The following SLC8A1 variants were observed in gnomAD, a reference collection of about 807,000 sequenced individuals.
The protein encoded by SLC8A1 is sodium/calcium exchanger 1.
SLC8A1 carries 18 observed loss-of-function variants against 68.3 expected under a neutral mutation model. The observed-to-expected ratio is 0.26, with a 90% CI of 0.18 to 0.39. SLC8A1 has a LOEUF of 0.39. Ranked by LOEUF, SLC8A1 falls within the 10% of genes least tolerant of loss-of-function variation. SLC8A1 has a pLI of 1.00. For synonymous variants in SLC8A1, 475 were observed against 415.5 expected (o/e 1.14, Z -1.74); for missense variants, 985 against 1,156.7 (o/e 0.85, Z 2.15).
At position 40,472,012 on chromosome 2, in the gene SLC8A1, C is replaced by A. The variant is rs60303818; in HGVS notation, c.-25+40337G>T. On this transcript the variant is annotated intron_variant, in intron 1 of 7. Transcript: ENST00000402441. ...GTGAAAGGAGGAGAGGAGGAGACTG[C>A]GGTTGACTATGAACAAACATGACCT... is the stretch of plus-strand genomic sequence containing the variant. Among the ~76,000 whole-genome samples the A allele has an allele frequency of 6.5e-3, 990 of 152,182 alleles. 13 individuals carry two copies. Among genetic ancestry groups the A allele is most frequent in the African/African-American group, 0.022 (908 of 41,520 alleles).
intron 2 of SLC8A1, among the ~76,000 whole-genome samples, chr2:40,363,805 T>C (rs1055229858): frequency 4.6e-5 from 7 of 152,074 alleles, no homozygotes; most frequent in Non-Finnish European, 8.8e-5. Flanking sequence ...ATTTGGGCCC[T>C]GAGTTATAAC....
intron 7 of SLC8A1, among the ~76,000 whole-genome samples, chr2:40,137,649 T>C (rs1170519439): frequency 6.6e-6 from 1 of 152,098 alleles, no homozygotes; most frequent in Non-Finnish European, 1.5e-5. Flanking sequence ...TTCCTTCTGC[T>C]TGGTAAATTT....
intron 2 of SLC8A1, among the ~76,000 whole-genome samples, chr2:40,281,903 T>C (rs2067583261): frequency 6.6e-6 from 1 of 152,216 alleles, no homozygotes; most frequent in African/African-American, 2.4e-5. Context: ...ACTTGAATTT[T>C]GGGTGGAATA....
At chr2:40,265,809 A>G (rs1217897342) in intron 2 of SLC8A1, among the ~76,000 whole-genome samples, 1 of 152,156 alleles carries the variant, frequency 6.6e-6, no homozygotes, top group Non-Finnish European at 1.5e-5. Context: ...TGAGAGTGCA[A>G]CACTTCTATA....
At chr2:40,414,953 C>A (rs995613578) in intron 2 of SLC8A1, among the ~76,000 whole-genome samples, 1 of 152,024 alleles carries the variant, frequency 6.6e-6, no homozygotes, top group African/African-American at 2.4e-5. Flanking sequence ...GGAAAGAAGG[C>A]CACAGACAGA....
At chr2:40,289,189 A>C (rs958464137) in intron 2 of SLC8A1, among the ~76,000 whole-genome samples, 1 of 151,876 alleles carries the variant, frequency 6.6e-6, no homozygotes, top group Non-Finnish European at 1.5e-5. Context: ...GCTACAAAAG[A>C]ATAAAAAAGT....
At chr2:40,359,508 G>T (rs889553387) in intron 2 of SLC8A1, among the ~76,000 whole-genome samples, 1 of 152,066 alleles carries the variant, frequency 6.6e-6, no homozygotes, top group African/African-American at 2.4e-5. Context: ...CGCAGCTTCT[G>T]GGTAGAAAAG....
At position 40,314,604 on chromosome 2, in the gene SLC8A1, T is replaced by C. The variant is rs893695588; in HGVS notation, c.1808+113869A>G. On this transcript the variant is annotated intron_variant, in intron 2 of 7. Transcript: ENST00000406785. ...TAGATCAATTTGGGAAGAACGATTA[T>C]CTTAAAAATATGATGTTTTCTGACC... Among the ~76,000 whole-genome samples, 11 of 152,138 alleles carry C rather than the reference T, an allele frequency of 7.2e-5. No homozygotes were observed. In the East Asian group the frequency reaches 2.1e-3, roughly 29 times the overall value.
chr2:40,407,364 C>T (rs1286657134), intron 2 of SLC8A1, among the ~76,000 whole-genome samples: 1 of 152,176 alleles, frequency 6.6e-6, no homozygotes, highest in Non-Finnish European at 1.5e-5. Context: ...CCACACCTGA[C>T]CCACCAGATT....
exon 8 of SLC8A1, chr2:40,115,153 G>T: frequency 2.3e-6 from 2 of 888,842 alleles, no homozygotes; most frequent in Non-Finnish European, 3.1e-6. Context: ...TCCATCAGCA[G>T]GTAAGTGAAC....
intron 2 of SLC8A1, among the ~76,000 whole-genome samples, chr2:40,312,005 G>C (rs2073772698): frequency 6.6e-6 from 1 of 152,064 alleles, no homozygotes; most frequent in Non-Finnish European, 1.5e-5. Flanking sequence ...GCGTCTCAAA[G>C]AGGTACAGCT....
chr2:40,511,301 C>T (rs1576694032), intron 1 of SLC8A1, among the ~76,000 whole-genome samples: 1 of 152,052 alleles, frequency 6.6e-6, no homozygotes, highest in Non-Finnish European at 1.5e-5. Context: ...TTAATTCAAT[C>T]TTGGCAAAAC....
chr2:40,333,861 C>G (rs568149143), intron 2 of SLC8A1, among the ~76,000 whole-genome samples: 1 of 152,196 alleles, frequency 6.6e-6, no homozygotes, highest in South Asian at 2.1e-4. Context: ...CCAGCCGGAC[C>G]AACATGGTGA....
chr2:40,257,993 C>G (rs917756620), intron 2 of SLC8A1, among the ~76,000 whole-genome samples: 9 of 152,146 alleles, frequency 5.9e-5, no homozygotes, highest in African/African-American at 2.2e-4. Flanking sequence ...ACAGGCACTA[C>G]AGTTCCCTTC....
chr2:40,306,454 G>GC lies in SLC8A1; in HGVS notation c.1808+122018_1808+122019insG, dbSNP rs200006450. Among the ~76,000 whole-genome samples the GC allele has an allele frequency of 1.7e-3, 245 of 143,456 alleles. 2 individuals are homozygous for GC. Among genetic ancestry groups the GC allele is most frequent in the East Asian group, 0.012 (60 of 5,014 alleles). The allele number at this position is 143,456 out of a possible 152,430, so 94.1% of individuals were successfully genotyped here. On this transcript the variant is annotated intron_variant, in intron 2 of 7. Transcript: ENST00000406785. ...ATAAATAAAAAAAGGAATGGTTGTG[G>GC]GGGGGGGCATAGCGTGGAATATTTC... is the stretch of plus-strand genomic sequence containing the variant.
intron 2 of SLC8A1, among the ~76,000 whole-genome samples, chr2:40,217,490 G>T (rs572983765): frequency 6.6e-6 from 1 of 152,178 alleles, no homozygotes; most frequent in East Asian, 1.9e-4. Flanking sequence ...GTCCTGTATA[G>T]TTTCTTGGAT....
chr2:40,127,222 A>G (rs2148165713), intron 7 of SLC8A1, among the ~76,000 whole-genome samples: 1 of 152,334 alleles, frequency 6.6e-6, no homozygotes. Flanking sequence ...TATAGAAGCT[A>G]TAGATGAGAG....
exon 8 of SLC8A1, chr2:40,114,982 C>T: frequency 4.8e-6 from 1 of 208,782 alleles, no homozygotes. Context: ...CAAATCAAAG[C>T]CTTAAGGATT....
chr2:40,134,712 A>G (rs2040154470), intron 7 of SLC8A1, among the ~76,000 whole-genome samples: 1 of 152,186 alleles, frequency 6.6e-6, no homozygotes, highest in Non-Finnish European at 1.5e-5. Context: ...ATCTGATTGA[A>G]CCAACTTGTA....
Sources: allele counts gnomAD v4.1 joint callset (sites outside exome capture counted in the v4.1 genomes callset), GRCh38; gene constraint gnomAD v4.1.1; transcripts MANE v1.5; gene names NCBI Gene and HGNC (gene_info 2026-07-23, HGNC 2026-07-21).